Variants in SLC2A6 observed in about 807,000 individuals in gnomAD.
SLC2A6 encodes the protein solute carrier family 2, facilitated glucose transporter member 6.
In SLC2A6, 39 loss-of-function variants were observed where a neutral mutation model predicts 47.8. The ratio of observed to expected loss-of-function variants is 0.82; its 90% CI spans 0.63 to 1.07. The LOEUF (loss-of-function observed/expected upper bound fraction) is 1.07, where lower values mean the gene tolerates loss of function less well. Ranked by LOEUF, SLC2A6 falls within the 50% of genes least tolerant of loss-of-function variation. The pLI is 0.00. For synonymous variants in SLC2A6, 346 were observed against 324.1 expected (o/e 1.07, Z -0.73); for missense variants, 650 against 707.6 (o/e 0.92, Z 0.92).
In SLC2A6 at chr9:133,473,057, CCAGT is replaced by C. The variant is rs1186585817; in HGVS notation, c.1368+44_1368+47del. Reference sequence around the variant, plus strand: ...CCCCTGGCACTGAGAAGGGTCCTGGCCAGTCAGAGAGGGCCTAGGGGCCTGGGGC... The same window carrying C: ...CCCCTGGCACTGAGAAGGGTCCTGGCCAGAGAGGGCCTAGGGGCCTGGGGC... On this transcript the variant is annotated intron_variant, in intron 9 of 9. Transcript: ENST00000371899. The C allele has an allele frequency of 1.2e-5, 19 of 1,556,020 alleles. 1 individual carries two copies. The highest frequency in any genetic ancestry group is 9.6e-5 in the African/African-American group (7 of 72,618).
At position 133,473,147 on chromosome 9, in the gene SLC2A6, C is replaced by A; in HGVS notation, c.1326G>T (p.Trp442Cys). Residue 442 changes from tryptophan (W) to cysteine (C), a missense_variant, in exon 9 of 10, where the codon TGG (tryptophan) becomes TGT (cysteine). Coordinates refer to ENST00000371899, the MANE Select transcript of SLC2A6 (RefSeq NM_017585.4). The stretch of plus-strand genomic sequence containing the variant: ...ACTTGGTGAGGACGAAGGCGGTGAG[C>A]CAGCTGGCCAGCACGCAGAGCCCTG... ...VASGLCVLAS[W>C]LTAFVLTKSF... 1 of 1,611,286 alleles carries A rather than the reference C, an allele frequency of 6.2e-7. No homozygotes were observed. Among genetic ancestry groups the A allele is most frequent in the Non-Finnish European group, 8.5e-7 (1 of 1,179,476 alleles).
chr9:133,473,114 C>T lies in SLC2A6; in HGVS notation c.1359G>A (p.Leu453=), dbSNP rs2131021809. The T allele has an allele frequency of 6.2e-7, 1 of 1,609,430 alleles. No individual in the cohort carries two copies. The highest frequency in any genetic ancestry group is 1.1e-5 in the South Asian group (1 of 90,756). ...GGGGCTGAACACTCACCACCACTGGCAGGAAGGACTTGGTGAGGACGAAGG... is the reference window on the plus strand; with the variant it reads ...GGGGCTGAACACTCACCACCACTGGTAGGAAGGACTTGGTGAGGACGAAGG... The part of the protein sequence containing the change: ...LTAFVLTKSF[L]PVVSTFGLQV... The change falls in exon 9 of 10, where the codon CTG becomes CTA. Residue 453 remains leucine (L), a synonymous_variant. Coordinates refer to ENST00000371899, the MANE Select transcript of SLC2A6 (RefSeq NM_017585.4).
chr9:133,473,323 G>A lies in SLC2A6; in HGVS notation c.1223-73C>T, dbSNP rs781867917. The A allele has an allele frequency of 1.9e-6, 3 of 1,539,206 alleles. No individual in the cohort carries two copies. The South Asian group carries it at 3.6e-5, about 18-fold the overall frequency. On this transcript the variant is annotated intron_variant, in intron 8 of 9. Coordinates refer to ENST00000371899, the MANE Select transcript of SLC2A6 (RefSeq NM_017585.4). Reference sequence around the variant, plus strand: ...CGGCTGTGTCTGTCTCCGCTGAGCTGCTGGAGACCCCCCTCTCCAGCCACC... The same window carrying A: ...CGGCTGTGTCTGTCTCCGCTGAGCTACTGGAGACCCCCCTCTCCAGCCACC...
chr9:133,474,235 G>C (rs1843856795), intron 6 of SLC2A6, 147 bp from the exon 7 acceptor site: 1 of 603,704 alleles, frequency 1.7e-6, no homozygotes, highest in African/African-American at 1.9e-5. Context: ...AGCGTGCTGG[G>C]CATCTATACT....
intron 2 of SLC2A6, among the ~76,000 whole-genome samples, chr9:133,477,621 A>G (rs1554803758): frequency 6.6e-6 from 1 of 152,168 alleles, no homozygotes; most frequent in Non-Finnish European, 1.5e-5. Flanking sequence ...GCTAACTGGT[A>G]GTGGGACCTG....
Position 133,471,668 on chromosome 9 carries a change from C to CT in SLC2A6, c.*352dup, listed in dbSNP as rs1427141451. On this transcript the variant is annotated 3_prime_UTR_variant, in exon 10 of 10. Coordinates refer to ENST00000371899, the MANE Select transcript of SLC2A6 (RefSeq NM_017585.4). ...TTACTTGGCTGCCTCCAGCCCTGTC[C>CT]TCTCAGTCCTCCCCGTAGCCTTCTG... The CT allele has an allele frequency of 3.2e-5, 7 of 220,904 alleles. No individual in the cohort carries two copies. Among genetic ancestry groups the CT allele is most frequent in the African/African-American group, 1.6e-4 (7 of 43,996 alleles). The allele number at this position is 220,904 out of a possible 1,614,324, so 13.7% of individuals were successfully genotyped here. A position where few individuals can be genotyped will look rare whatever the true frequency, so the allele number is the denominator to read the frequency against.
chr9:133,474,910 C>T (rs1843881183), intron 6 of SLC2A6, 51 bp downstream of exon 6: 2 of 1,451,218 alleles, frequency 1.4e-6, no homozygotes, highest in Non-Finnish European at 1.8e-6. Flanking sequence ...CCTGCCCTGC[C>T]AGCCTCCAGG....
chr9:133,477,326 A>C lies in SLC2A6; in HGVS notation c.256-85T>G. ...AGAGTCCAGGGACAGCTTCTTCCCT[A>C]GGCCGACCCCAGGAGCTGGTCAAGC... On this transcript the variant is annotated intron_variant, in intron 2 of 9. Coordinates refer to ENST00000371899, the MANE Select transcript of SLC2A6 (RefSeq NM_017585.4). 2.2e-6 allele frequency: 3 copies of C among 1,346,176 alleles called. 1 individual carries two copies. 83.4% of individuals were successfully genotyped at this position (1,346,176 alleles called of 1,614,324 possible). A position where few individuals can be genotyped will look rare whatever the true frequency, so the allele number is the denominator to read the frequency against.
At chr9:133,476,980 G>T (rs782141218) in intron 3 of SLC2A6, 55 bp downstream of exon 3, 9 of 1,517,522 alleles carry the variant, frequency 5.9e-6, no homozygotes, top group Non-Finnish European at 8.0e-6. Context: ...TCAGATGGAG[G>T]CTCAGCACCA....
intron 4 of SLC2A6, among the ~76,000 whole-genome samples, chr9:133,475,987 A>T (rs1187300522): frequency 2.0e-5 from 3 of 152,270 alleles, no homozygotes; most frequent in Non-Finnish European, 4.4e-5. Flanking sequence ...GTTAAAAGAT[A>T]GTCTGGCGAC....
rs1554802258 is a variant in SLC2A6, at chr9:133,473,419, G to C, written c.1218C>G (p.Ile406Met). The change falls in exon 8 of 10, where the codon ATC (isoleucine) becomes ATG (methionine). Residue 406 changes from isoleucine to methionine, a missense_variant. Physicochemically the swap from Ile to Met is conservative, Grantham distance 10. Coordinates refer to ENST00000371899, the MANE Select transcript of SLC2A6 (RefSeq NM_017585.4). ...LVPLLATMLFIMGYAVGWGPI... is the reference protein window; with the variant it reads ...LVPLLATMLFMMGYAVGWGPI... ...CTGAGCCACCACCACACCTACCCATGATGAAGAGCATGGTGGCCAGCAGGG... is the reference window on the plus strand; with the variant it reads ...CTGAGCCACCACCACACCTACCCATCATGAAGAGCATGGTGGCCAGCAGGG... The C allele has an allele frequency of 6.3e-7, 1 of 1,599,688 alleles. No individual in the cohort carries two copies. The highest frequency in any genetic ancestry group is 1.1e-5 in the South Asian group (1 of 89,150).
At chr9:133,475,218 C>T (rs1843895595) in intron 5 of SLC2A6, 105 bp from the exon 6 acceptor site, 1 of 1,416,904 alleles carries the variant, frequency 7.1e-7, no homozygotes, top group Non-Finnish European at 9.2e-7. Flanking sequence ...TTTTTCCCTC[C>T]TCCAGGAAAG....
rs1196526558 is a variant in SLC2A6 at position 133,473,158 on chromosome 9, G to A, written c.1315C>T (p.Leu439=). 1.2e-6 allele frequency: 2 copies of A among 1,611,258 alleles called. No homozygotes were observed. Among genetic ancestry groups the A allele is most frequent in the African/African-American group, 2.7e-5 (2 of 74,862 alleles). ...ARGVASGLCV[L]ASWLTAFVLT... Reference sequence around the variant, plus strand: ...ACGAAGGCGGTGAGCCAGCTGGCCAGCACGCAGAGCCCTGAGGCCACGCCA... The same window carrying A: ...ACGAAGGCGGTGAGCCAGCTGGCCAACACGCAGAGCCCTGAGGCCACGCCA... The change falls in exon 9 of 10, where the codon CTG becomes TTG. Residue 439 remains leucine, a synonymous_variant. Transcript: ENST00000371899.
chr9:133,477,012 T>C, intron 3 of SLC2A6, 23 bp downstream of exon 3: 2 of 1,546,926 alleles, frequency 1.3e-6, no homozygotes, highest in South Asian at 2.4e-5. Flanking sequence ...TTGGGGCGCC[T>C]GGGTGGGAAG....
rs782657021 is a variant in SLC2A6 at position 133,477,175 on chromosome 9, G to A, written c.322C>T (p.Arg108Trp). 2.0e-5 allele frequency: 31 copies of A among 1,550,446 alleles called. No homozygotes were observed. The highest frequency in any genetic ancestry group is 3.4e-4 in the Middle Eastern group (2 of 5,894). ...SAMILNDLLG[R>W]KLSIMFSAVP... is the part of the protein sequence containing the mutation. Reference sequence around the variant, plus strand: ...GCTGAGAACATGATGCTCAGCTTCCGGCCCAGGAGGTCGTTGAGGATCATG... The same window carrying A: ...GCTGAGAACATGATGCTCAGCTTCCAGCCCAGGAGGTCGTTGAGGATCATG... Residue 108 changes from arginine (R) to tryptophan (W), a missense_variant, in exon 3 of 10, where the codon CGG becomes TGG. Coordinates refer to ENST00000371899, the MANE Select transcript of SLC2A6 (RefSeq NM_017585.4).
intron 9 of SLC2A6, among the ~76,000 whole-genome samples, chr9:133,472,528 C>T (rs933834762): frequency 6.6e-6 from 1 of 152,106 alleles, no homozygotes; most frequent in Non-Finnish European, 1.5e-5. Context: ...CACGCAGGTT[C>T]TTCTTGGACC....
intron 2 of SLC2A6, 115 bp from the exon 3 acceptor site, chr9:133,477,356 G>A: frequency 2.9e-6 from 3 of 1,023,046 alleles, no homozygotes; most frequent in Non-Finnish European, 4.3e-6. Flanking sequence ...TCAAGCACTT[G>A]GCCAAGTCAA....
At chr9:133,478,163 A>G (rs1564470546) in intron 2 of SLC2A6, 91 bp downstream of exon 2, 22 of 1,435,462 alleles carry the variant, frequency 1.5e-5, no homozygotes, top group Non-Finnish European at 1.9e-5. Flanking sequence ...GGGACCCCCA[A>G]GGTGGAGAAT....
At chr9:133,478,909 G>A in intron 1 of SLC2A6, 59 bp downstream of exon 1, 1 of 1,457,196 alleles carries the variant, frequency 6.9e-7, no homozygotes, top group Admixed American at 2.4e-5. Flanking sequence ...GCCGCCGGCT[G>A]GAGGGAACCA....
Sources: gnomAD v4.1 joint callset for allele counts (sites outside exome capture counted in the v4.1 genomes callset) on GRCh38, gnomAD v4.1.1 for gene constraint, MANE v1.5 for transcripts, NCBI Gene and HGNC (gene_info 2026-07-23, HGNC 2026-07-21) for gene names.